The following SYT1 variants were observed in gnomAD, a reference collection of about 807,000 sequenced individuals.
SYT1 encodes the protein synaptotagmin-1.
A neutral mutation model predicts 44.8 loss-of-function variants in SYT1; 8 were observed. That is an observed-to-expected ratio of 0.18 (90% CI 0.10 to 0.32). The LOEUF is 0.32. SYT1 is among the 10% of genes least tolerant of loss of function. The pLI, the probability that SYT1 is intolerant of heterozygous loss-of-function variation, is 1.00. For missense variants in SYT1, 286 were observed against 509.3 expected (o/e 0.56, Z 4.22); for synonymous variants, 154 against 188.8 (o/e 0.82, Z 1.51).
intron 8 of SYT1, among the ~76,000 whole-genome samples, chr12:79,310,509 G>A (rs765535450): frequency 6.6e-6 from 1 of 151,852 alleles, no homozygotes; most frequent in Non-Finnish European, 1.5e-5. Context: ...GGCTCTTTTG[G>A]TTCCATATGA....
intron 1 of SYT1, among the ~76,000 whole-genome samples, chr12:78,972,012 TGAA>T (rs768198235): frequency 2.6e-5 from 4 of 152,184 alleles, no homozygotes; most frequent in Admixed American, 6.5e-5. Flanking sequence ...GGTAATTAAA[TGAA>T]GAAATACATA....
intron 3 of SYT1, among the ~76,000 whole-genome samples, chr12:79,170,772 C>A: frequency 6.6e-6 from 1 of 152,070 alleles, no homozygotes; most frequent in Non-Finnish European, 1.5e-5. Context: ...GAAATCTTTG[C>A]CCATACCTAT....
chr12:79,064,253 G>C (rs567438819), intron 3 of SYT1, among the ~76,000 whole-genome samples: 8 of 152,092 alleles, frequency 5.3e-5, no homozygotes, highest in Non-Finnish European at 1.2e-4. Context: ...AAAGGAAAGA[G>C]GGAGTAAGGA....
chr12:79,351,729 A>C (rs993961970), intron 8 of SYT1, among the ~76,000 whole-genome samples: 2 of 152,150 alleles, frequency 1.3e-5, no homozygotes, highest in Non-Finnish European at 2.9e-5. Context: ...CTGTTGTATA[A>C]ATTAATTCCT....
chr12:78,994,486 C>CTTT (rs376614789), intron 2 of SYT1, among the ~76,000 whole-genome samples: 1 of 130,704 alleles, frequency 7.7e-6, no homozygotes, highest in African/African-American at 2.8e-5. Flanking sequence ...TTTTCTTCTC[C>CTTT]TTTTTTTTTT....
At chr12:79,375,222 A>T (rs2136058073) in intron 9 of SYT1, among the ~76,000 whole-genome samples, 1 of 152,290 alleles carries the variant, frequency 6.6e-6, no homozygotes, top group East Asian at 1.9e-4. Flanking sequence ...AATTAACAGG[A>T]TTTCACAAGA....
chr12:79,172,342 A>G (rs1215464185), intron 3 of SYT1, among the ~76,000 whole-genome samples: 2 of 151,982 alleles, frequency 1.3e-5, no homozygotes, highest in Non-Finnish European at 2.9e-5. Context: ...CAAAAAAAGG[A>G]GTTATAATGC....
intron 1 of SYT1, among the ~76,000 whole-genome samples, chr12:78,924,340 T>C (rs1877180605): frequency 6.6e-6 from 1 of 151,872 alleles, no homozygotes; most frequent in South Asian, 2.1e-4. Flanking sequence ...ATGAAAAATA[T>C]ATTGGGGAAA....
chr12:78,874,574 AC>A (rs1873970914), intron 1 of SYT1, among the ~76,000 whole-genome samples: 1 of 151,584 alleles, frequency 6.6e-6, no homozygotes. Context: ...AGATTTGACC[AC>A]CTTTGCTCCT....
intron 3 of SYT1, among the ~76,000 whole-genome samples, chr12:79,117,662 CATATATATATATATAT>C (rs57706449): frequency 2.0e-3 from 78 of 39,304 alleles, no homozygotes; most frequent in East Asian, 6.4e-3. Flanking sequence ...TGTATTACAT[CATATATATATATATAT>C]ATATATATAT....
intron 4 of SYT1, among the ~76,000 whole-genome samples, chr12:79,230,504 G>C (rs773101726): frequency 4.0e-5 from 6 of 151,842 alleles, no homozygotes; most frequent in Non-Finnish European, 8.8e-5. Context: ...TACACTTTGA[G>C]ACAGAAAAAA....
intron 1 of SYT1, among the ~76,000 whole-genome samples, chr12:78,926,225 G>A (rs2137181169): frequency 6.6e-6 from 1 of 152,028 alleles, no homozygotes; most frequent in Admixed American, 6.6e-5. Flanking sequence ...TGCTCTGCAA[G>A]GGAAACAAAT....
chr12:79,359,848 C>T (rs993731451), intron 9 of SYT1, among the ~76,000 whole-genome samples: 3 of 152,040 alleles, frequency 2.0e-5, no homozygotes, highest in Admixed American at 2.0e-4. Flanking sequence ...AGCAACTCAC[C>T]CAACCTCAGG....
At chr12:79,044,559 T>TG (rs1873854843) in intron 2 of SYT1, among the ~76,000 whole-genome samples, 1 of 144,106 alleles carries the variant, frequency 6.9e-6, no homozygotes, top group South Asian at 2.3e-4. Flanking sequence ...TCAACTTCTT[T>TG]GCCTTTGGTT....
At chr12:79,233,254 T>G (rs1182802806) in intron 4 of SYT1, among the ~76,000 whole-genome samples, 1 of 152,232 alleles carries the variant, frequency 6.6e-6, no homozygotes, top group Non-Finnish European at 1.5e-5. Flanking sequence ...GTTTTAAAAA[T>G]AACGAATTGT....
At chr12:79,220,046 A>G (rs570326742) in intron 4 of SYT1, among the ~76,000 whole-genome samples, 10 of 152,134 alleles carry the variant, frequency 6.6e-5, no homozygotes, top group Non-Finnish European at 1.3e-4. Flanking sequence ...AGCAATGAAG[A>G]TATAAGGTCT....
intron 3 of SYT1, among the ~76,000 whole-genome samples, chr12:79,143,125 C>G (rs1869663813): frequency 6.6e-6 from 1 of 152,142 alleles, no homozygotes; most frequent in Non-Finnish European, 1.5e-5. Flanking sequence ...TCTGATGATA[C>G]TCCAAAAATG....
At chr12:78,913,434 G>A (rs1876459907) in intron 1 of SYT1, among the ~76,000 whole-genome samples, 1 of 151,292 alleles carries the variant, frequency 6.6e-6, no homozygotes, top group Non-Finnish European at 1.5e-5. Context: ...CTTTATTATA[G>A]TTAAGGAACT....
chr12:78,868,363 AT>A (rs1873651288), intron 1 of SYT1, among the ~76,000 whole-genome samples: 1 of 151,866 alleles, frequency 6.6e-6, no homozygotes, highest in Admixed American at 6.6e-5. Context: ...AAAATATAAT[AT>A]TTTTAAAAAG....
Sources: allele counts gnomAD v4.1 joint callset (sites outside exome capture counted in the v4.1 genomes callset), GRCh38; gene constraint gnomAD v4.1.1; transcripts MANE v1.5; gene names NCBI Gene and HGNC (gene_info 2026-07-23, HGNC 2026-07-21).